EDIL3: variants seen among roughly 807,000 people sequenced by gnomAD.
The protein encoded by EDIL3 is EGF-like repeat and discoidin I-like domain-containing protein 3.
EDIL3 carries 37 observed loss-of-function variants against 67.4 expected under a neutral mutation model. The ratio of observed to expected loss-of-function variants is 0.55; its 90% confidence interval spans 0.42 to 0.72. The LOEUF is 0.72. EDIL3 is among the 30% of genes least tolerant of loss of function. EDIL3 has a pLI of 0.00. For synonymous variants in EDIL3, 195 were observed against 196.3 expected (o/e 0.99, Z 0.05); for missense variants, 527 against 586.3 (o/e 0.90, Z 1.04).
At chr5:84,181,045 T>C (rs921230670) in intron 3 of EDIL3, 3 of 152,142 alleles carry the variant, frequency 2.0e-5, no homozygotes, top group African/African-American at 7.2e-5. Flanking sequence ...ACCAAGTGAA[T>C]TGGATAGCTG....
intron 3 of EDIL3, among the ~76,000 whole-genome samples, chr5:84,210,340 AAT>A (rs1744092881): frequency 6.6e-6 from 1 of 152,108 alleles, no homozygotes; most frequent in Non-Finnish European, 1.5e-5. Flanking sequence ...GACTGGATAA[AAT>A]ATGTGTATTT....
chr5:84,176,587 T>C (rs1748919931), intron 4 of EDIL3, among the ~76,000 whole-genome samples: 2 of 151,744 alleles, frequency 1.3e-5, no homozygotes, highest in South Asian at 4.1e-4. Flanking sequence ...ATTACATTTG[T>C]TACCAGGCAA....
chr5:84,145,206 T>C (rs891311778), intron 4 of EDIL3, among the ~76,000 whole-genome samples: 1 of 152,140 alleles, frequency 6.6e-6, no homozygotes, highest in Middle Eastern at 3.2e-3. Context: ...GCAGTAGTTT[T>C]GCCTAAAGGA....
At chr5:83,948,483 T>C (rs1199215133) in intron 10 of EDIL3, among the ~76,000 whole-genome samples, 1 of 151,704 alleles carries the variant, frequency 6.6e-6, no homozygotes, top group African/African-American at 2.4e-5. Context: ...TTGAACAGTT[T>C]GGGAAAGAGC....
chr5:84,011,095 G>C (rs76808073), intron 9 of EDIL3, among the ~76,000 whole-genome samples: 3,479 of 152,228 alleles, frequency 0.023, 60 homozygotes, highest in Non-Finnish European at 0.039. Flanking sequence ...ATAGCATACT[G>C]TGTTATCTAT....
chr5:84,144,126 T>C (rs569215138), intron 4 of EDIL3, among the ~76,000 whole-genome samples: 1 of 152,142 alleles, frequency 6.6e-6, no homozygotes, highest in East Asian at 1.9e-4. Context: ...AAGGGAGTAA[T>C]ATACTTTTTA....
rs565891067 is a variant in EDIL3 at position 84,039,981 on chromosome 5, T to C, written c.1137+20319A>G. On this transcript the variant is annotated intron_variant, in intron 9 of 10. Coordinates refer to ENST00000296591, the MANE Select transcript of EDIL3 (RefSeq NM_005711.5). ...TAAAATAATAGCTAACATTTTCATA[T>C]CAGTTATCCTTTAAGCACTTTATAA... is the stretch of plus-strand genomic sequence containing the variant. Among the ~76,000 whole-genome samples the C allele has an allele frequency of 2.2e-4, 33 of 152,296 alleles. 1 individual carries two copies. The highest frequency in any genetic ancestry group is 3.4e-3 in the Middle Eastern group (1 of 294).
At chr5:84,301,208 C>T (rs949916539) in intron 1 of EDIL3, among the ~76,000 whole-genome samples, 1 of 149,814 alleles carries the variant, frequency 6.7e-6, no homozygotes, top group Non-Finnish European at 1.5e-5. Flanking sequence ...GCGGAGGTTG[C>T]GGTGAGCCCA....
intron 3 of EDIL3, among the ~76,000 whole-genome samples, chr5:84,190,601 A>G (rs1245373399): frequency 1.2e-4 from 15 of 125,036 alleles, no homozygotes; most frequent in African/African-American, 4.2e-4. Context: ...ATATATATAT[A>G]TATAATAAAC....
At chr5:84,086,200 C>G (rs1372752834) in intron 6 of EDIL3, among the ~76,000 whole-genome samples, 1 of 152,122 alleles carries the variant, frequency 6.6e-6, no homozygotes, top group Non-Finnish European at 1.5e-5. Flanking sequence ...TTCCAGGCAC[C>G]GCTAGGGTAC....
intron 6 of EDIL3, among the ~76,000 whole-genome samples, chr5:84,067,945 C>T (rs764050156): frequency 4.6e-5 from 7 of 152,172 alleles, no homozygotes; most frequent in Non-Finnish European, 1.0e-4. Flanking sequence ...TAGGTTTTCT[C>T]ATTTTGATGT....
chr5:84,147,367 G>A (rs537745328), intron 4 of EDIL3, among the ~76,000 whole-genome samples: 42 of 152,130 alleles, frequency 2.8e-4, no homozygotes, highest in African/African-American at 9.6e-4. Flanking sequence ...GAACATGCAT[G>A]TACATATCTC....
chr5:84,212,699 C>G (rs1744149172), intron 3 of EDIL3, among the ~76,000 whole-genome samples: 1 of 152,160 alleles, frequency 6.6e-6, no homozygotes, highest in South Asian at 2.1e-4. Context: ...TCTAGACAGA[C>G]AAGCCTGGAT....
intron 3 of EDIL3, among the ~76,000 whole-genome samples, chr5:84,206,423 T>C (rs1468764182): frequency 6.6e-6 from 1 of 152,102 alleles, no homozygotes; most frequent in Admixed American, 6.5e-5. Flanking sequence ...TAGATGTCTA[T>C]TAGGTCCACT....
chr5:83,996,482 T>A (rs1011390289), intron 9 of EDIL3, among the ~76,000 whole-genome samples: 3 of 152,114 alleles, frequency 2.0e-5, no homozygotes, highest in East Asian at 1.9e-4. Flanking sequence ...AGGTGAAGAT[T>A]TATTTGTTCT....
chr5:84,114,118 T>G (rs1747622079), intron 5 of EDIL3, among the ~76,000 whole-genome samples: 1 of 151,484 alleles, frequency 6.6e-6, no homozygotes, highest in African/African-American at 2.4e-5. Context: ...TTTCTCACGC[T>G]GTGGCCTGAG....
chr5:84,319,085 A>T (rs1746571680), intron 1 of EDIL3, among the ~76,000 whole-genome samples: 2 of 152,282 alleles, frequency 1.3e-5, no homozygotes, highest in South Asian at 4.1e-4. Context: ...GAGAAATGCA[A>T]ATCAAAACCA....
At chr5:84,291,690 C>CTATATATCTATA in intron 1 of EDIL3, among the ~76,000 whole-genome samples, 2 of 145,770 alleles carry the variant, frequency 1.4e-5, no homozygotes, top group African/African-American at 5.0e-5. Flanking sequence ...ATAGATATAT[C>CTATATATCTATA]TATATATCTA....
At chr5:84,365,221 AAC>A in intron 1 of EDIL3, among the ~76,000 whole-genome samples, 1 of 152,280 alleles carries the variant, frequency 6.6e-6, no homozygotes, top group Middle Eastern at 3.4e-3. Flanking sequence ...CTAAGTACTG[AAC>A]ACAGAAACAA....
Sources: allele counts gnomAD v4.1 joint callset (sites outside exome capture counted in the v4.1 genomes callset), GRCh38; gene constraint gnomAD v4.1.1; transcripts MANE v1.5; gene names NCBI Gene and HGNC (gene_info 2026-07-23, HGNC 2026-07-21).